Variants in KCNH1 observed in about 807,000 individuals in gnomAD.
The protein encoded by KCNH1 is potassium voltage-gated channel subfamily H member 1.
A neutral mutation model predicts 69.2 loss-of-function variants in KCNH1; 27 were observed. That is an observed-to-expected ratio of 0.39 (90% CI 0.29 to 0.54). The LOEUF is 0.54. KCNH1 is among the 20% of genes least tolerant of loss of function. KCNH1 has a pLI of 0.68. For synonymous variants in KCNH1, 456 were observed against 487.7 expected (o/e 0.93, Z 0.86); for missense variants, 798 against 1,261.6 (o/e 0.63, Z 5.57).
At chr1:210,832,057 A>G (rs1685171970) in intron 7 of KCNH1, among the ~76,000 whole-genome samples, 1 of 152,160 alleles carries the variant, frequency 6.6e-6, no homozygotes, top group African/African-American at 2.4e-5. Context: ...GACATTTCTC[A>G]TGACCTGTTT....
At chr1:210,997,240 T>C (rs1558560262) in intron 6 of KCNH1, among the ~76,000 whole-genome samples, 1 of 151,860 alleles carries the variant, frequency 6.6e-6, no homozygotes, top group Admixed American at 6.6e-5. Context: ...TTCAAACCAA[T>C]GGCAAACAAG....
At chr1:211,009,577 T>C (rs1558566265) in intron 6 of KCNH1, among the ~76,000 whole-genome samples, 2 of 151,108 alleles carry the variant, frequency 1.3e-5, no homozygotes, top group South Asian at 2.1e-4. Flanking sequence ...GATTTAGTTA[T>C]GGGAGTATAT....
chr1:210,870,063 T>G (rs1416653157), intron 7 of KCNH1, among the ~76,000 whole-genome samples: 1 of 152,112 alleles, frequency 6.6e-6, no homozygotes, highest in Admixed American at 6.6e-5. Context: ...AGAAAGTATC[T>G]CCAGGCAGAA....
intron 7 of KCNH1, among the ~76,000 whole-genome samples, chr1:210,820,498 G>C (rs971533107): frequency 6.6e-6 from 1 of 152,064 alleles, no homozygotes; most frequent in African/African-American, 2.4e-5. Flanking sequence ...GCCAGGCATG[G>C]TGGCACACAC....
chr1:210,950,463 G>A (rs897581137), intron 6 of KCNH1, among the ~76,000 whole-genome samples: 1 of 145,114 alleles, frequency 6.9e-6, no homozygotes, highest in Non-Finnish European at 1.5e-5. Flanking sequence ...GTGAGAATAT[G>A]CAGTGTTTGG....
At chr1:210,705,977 C>T (rs1681904067) in intron 10 of KCNH1, among the ~76,000 whole-genome samples, 1 of 152,202 alleles carries the variant, frequency 6.6e-6, no homozygotes, top group South Asian at 2.1e-4. Flanking sequence ...TTACTTTACC[C>T]TTGCAATGAG....
At chr1:210,814,961 A>T (rs1684782217) in intron 7 of KCNH1, among the ~76,000 whole-genome samples, 1 of 152,126 alleles carries the variant, frequency 6.6e-6, no homozygotes, top group Admixed American at 6.5e-5. Flanking sequence ...GATGCATTCA[A>T]TTTGTTAATG....
chr1:211,132,359 A>C (rs1262371955), intron 1 of KCNH1, among the ~76,000 whole-genome samples: 1 of 152,250 alleles, frequency 6.6e-6, no homozygotes, highest in Non-Finnish European at 1.5e-5. Flanking sequence ...GTGGCTGTTC[A>C]CATAGCAATT....
intron 5 of KCNH1, among the ~76,000 whole-genome samples, chr1:211,050,310 A>G (rs568578793): frequency 4.8e-5 from 7 of 146,882 alleles, no homozygotes; most frequent in African/African-American, 1.7e-4. Flanking sequence ...GATGCTAACA[A>G]GGCTGGGGTG....
At chr1:210,688,610 T>TTCAC (rs1255375219) in intron 10 of KCNH1, among the ~76,000 whole-genome samples, 2 of 152,250 alleles carry the variant, frequency 1.3e-5, no homozygotes, top group Non-Finnish European at 2.9e-5. Flanking sequence ...ACTTCCATTT[T>TTCAC]TCACTCATCC....
intron 10 of KCNH1, among the ~76,000 whole-genome samples, chr1:210,742,896 T>C (rs552263474): frequency 6.6e-6 from 1 of 152,214 alleles, no homozygotes; most frequent in South Asian, 2.1e-4. Flanking sequence ...TGTTTTCAAG[T>C]ACAGGAGATA....
Position 211,134,060 on chromosome 1 carries a change from G to T in KCNH1, c.-115C>A. ...CTCGAAGCGCCCCATGCGCCCGGCG[G>T]GGATCCGCAGGCAGGGCTGGCGGCT... On this transcript the variant is annotated 5_prime_UTR_variant, in exon 1 of 11. Transcript: ENST00000271751. The surrounding 1 kb of genome is among the most constrained non-coding windows in gnomAD (Gnocchi z 5.7). 1.2e-6 allele frequency: 1 copy of T among 848,422 alleles called. No individual in the cohort carries two copies. Among genetic ancestry groups the T allele is most frequent in the Non-Finnish European group, 1.9e-6 (1 of 535,524 alleles). 52.6% of individuals were successfully genotyped at this position (848,422 alleles called of 1,614,324 possible).
chr1:211,026,931 CA>C (rs1464636197), intron 5 of KCNH1, among the ~76,000 whole-genome samples: 1 of 152,158 alleles, frequency 6.6e-6, no homozygotes, highest in Non-Finnish European at 1.5e-5. Flanking sequence ...ATGTTTACCC[CA>C]ACCTGGCAAA....
At chr1:210,687,708 A>C (rs982265050) in intron 10 of KCNH1, among the ~76,000 whole-genome samples, 4 of 152,226 alleles carry the variant, frequency 2.6e-5, no homozygotes, top group African/African-American at 9.6e-5. Context: ...TTTCTGGAGA[A>C]GTTAGTCACG....
intron 10 of KCNH1, among the ~76,000 whole-genome samples, chr1:210,700,470 G>C (rs1426362731): frequency 2.0e-5 from 3 of 152,130 alleles, no homozygotes; most frequent in African/African-American, 7.2e-5. Context: ...TGCTCTGCCT[G>C]GGTTTCAACA....
chr1:210,718,115 AAAAC>A (rs1682308224), intron 10 of KCNH1, among the ~76,000 whole-genome samples: 1 of 150,624 alleles, frequency 6.6e-6, no homozygotes, highest in Non-Finnish European at 1.5e-5. Context: ...TCAGAAAACA[AAAAC>A]AAAAACAAAA....
chr1:210,861,251 T>C lies in KCNH1; in HGVS notation c.1463-57085A>G, dbSNP rs917471671. 58 of 959,598 alleles carry C rather than the reference T, an allele frequency of 6.0e-5. No individual in the cohort carries two copies. In the Middle Eastern group the frequency reaches 2.4e-3, roughly 40 times the overall value. 59.4% of individuals were successfully genotyped at this position (959,598 alleles called of 1,614,324 possible). On this transcript the variant is annotated intron_variant, in intron 7 of 10. Transcript: ENST00000271751. ...TTGGATAATGCCTTGTATATGGGGC[T>C]TCAGATTCTTCCAGGTGAGAGCATG...
chr1:210,799,010 C>T (rs1014625680), intron 8 of KCNH1, among the ~76,000 whole-genome samples: 2 of 151,532 alleles, frequency 1.3e-5, no homozygotes, highest in South Asian at 4.2e-4. Context: ...TAAAAAAAGA[C>T]AAAAATCCCT....
intron 7 of KCNH1, among the ~76,000 whole-genome samples, chr1:210,821,970 G>A (rs539399776): frequency 6.6e-6 from 1 of 152,032 alleles, no homozygotes; most frequent in Non-Finnish European, 1.5e-5. Context: ...CTGAGTTCCT[G>A]GGGCTACAGG....
Sources: gnomAD v4.1 joint callset for allele counts (sites outside exome capture counted in the v4.1 genomes callset) on GRCh38, gnomAD v4.1.1 for gene constraint, Gnocchi (gnomAD v3.1) non-coding constraint, MANE v1.5 for transcripts, NCBI Gene and HGNC (gene_info 2026-07-23, HGNC 2026-07-21) for gene names.